Variants in PARP8 observed in about 807,000 individuals in gnomAD.
PARP8 encodes protein mono-ADP-ribosyltransferase PARP8.
PARP8 carries 51 observed loss-of-function variants against 124.1 expected under a neutral mutation model. The observed-to-expected ratio is 0.41, with a 90% CI of 0.33 to 0.52. The LOEUF (loss-of-function observed/expected upper bound fraction) is 0.52. PARP8 is among the 20% of genes least tolerant of loss of function. The probability of loss-of-function intolerance (pLI) is 0.21; values close to 1 mark genes in which losing one functional copy is unlikely to be tolerated. For missense variants in PARP8, 860 were observed against 1,018.9 expected (o/e 0.84, Z 2.12); for synonymous variants, 391 against 361.5 (o/e 1.08, Z -0.93).
chr5:50,832,611 A>C (rs1747105655), intron 22 of PARP8, among the ~76,000 whole-genome samples, 170 bp from the exon 23 acceptor site: 1 of 152,148 alleles, frequency 6.6e-6, no homozygotes, highest in African/African-American at 2.4e-5. Context: ...GACTTCCCAA[A>C]CCCACTGATC....
At chr5:50,702,960 C>T (rs1753747474) in intron 2 of PARP8, among the ~76,000 whole-genome samples, 1 of 152,040 alleles carries the variant, frequency 6.6e-6, no homozygotes, top group African/African-American at 2.4e-5. Context: ...TAAGTGAGAC[C>T]AGCAGACAGA....
intron 2 of PARP8, among the ~76,000 whole-genome samples, chr5:50,706,677 A>G (rs1308917573): frequency 6.6e-6 from 1 of 152,048 alleles, no homozygotes; most frequent in Non-Finnish European, 1.5e-5. Flanking sequence ...CCAGTTTCTG[A>G]ATAGGAATAA....
intron 2 of PARP8, among the ~76,000 whole-genome samples, chr5:50,725,081 A>G (rs993391821): frequency 5.3e-5 from 8 of 149,552 alleles, no homozygotes; most frequent in African/African-American, 1.7e-4. Flanking sequence ...GTATGTGTAT[A>G]TATATATATA....
chr5:50,815,654 T>A, intron 15 of PARP8, 130 bp downstream of exon 15: 8 of 548,330 alleles, frequency 1.5e-5, no homozygotes, highest in Non-Finnish European at 1.5e-5. Flanking sequence ...CAAATTGGCA[T>A]TTGATTTTTT....
chr5:50,815,813 G>A (rs528990753), intron 15 of PARP8, among the ~76,000 whole-genome samples: 13 of 152,100 alleles, frequency 8.5e-5, no homozygotes, highest in Admixed American at 4.6e-4. Flanking sequence ...TGAAACCCTC[G>A]TGCATGCTTT....
At chr5:50,727,101 T>G (rs562757643) in intron 2 of PARP8, among the ~76,000 whole-genome samples, 2 of 152,254 alleles carry the variant, frequency 1.3e-5, no homozygotes, top group African/African-American at 4.8e-5. Context: ...TATAGTAGTA[T>G]TTTGTGAGGG....
intron 2 of PARP8, among the ~76,000 whole-genome samples, chr5:50,708,228 C>T (rs1754364633): frequency 6.6e-6 from 1 of 151,998 alleles, no homozygotes. Flanking sequence ...TCTCCTCCAC[C>T]CTAGAGACCT....
intron 2 of PARP8, among the ~76,000 whole-genome samples, chr5:50,721,409 T>G (rs376416266): frequency 3.9e-5 from 6 of 152,238 alleles, no homozygotes; most frequent in African/African-American, 1.2e-4. Context: ...TTCAGAAGCA[T>G]TAAGTTATTG....
At chr5:50,673,429 A>G (rs777495556) in intron 2 of PARP8, among the ~76,000 whole-genome samples, 26 of 152,202 alleles carry the variant, frequency 1.7e-4, no homozygotes, top group Admixed American at 4.6e-4. Context: ...TTTATTAAGC[A>G]TCGTCTCTGC....
At chr5:50,779,920 A>G (rs1218496077) in intron 9 of PARP8, among the ~76,000 whole-genome samples, 1 of 151,284 alleles carries the variant, frequency 6.6e-6, no homozygotes, top group Non-Finnish European at 1.5e-5. Flanking sequence ...TTAATGCATA[A>G]TATAAATTAC....
At position 50,828,295 on chromosome 5, in the gene PARP8, T is replaced by C. The variant is rs368208815; in HGVS notation, c.2091-17T>C. 2 of 1,610,390 alleles carry C rather than the reference T, an allele frequency of 1.2e-6. No homozygotes were observed. The highest frequency in any genetic ancestry group is 1.1e-5 in the South Asian group (1 of 90,714). On this transcript the variant is annotated splice_polypyrimidine_tract_variant and intron_variant, in intron 20 of 25. Coordinates refer to ENST00000281631, the MANE Select transcript of PARP8 (RefSeq NM_024615.4). ...AATTTTCTGGTTTTGCTTTTTCCTTTCCGTCTGTTTTTTTAGTGGCTCACA... is the reference window on the plus strand; with the variant it reads ...AATTTTCTGGTTTTGCTTTTTCCTTCCCGTCTGTTTTTTTAGTGGCTCACA...
intron 14 of PARP8, among the ~76,000 whole-genome samples, chr5:50,798,244 T>G (rs1302924467): frequency 6.6e-6 from 1 of 152,164 alleles, no homozygotes. Flanking sequence ...TTAACTCTGT[T>G]TAACTTTTTG....
At chr5:50,754,152 C>CATAT (rs764110606) in intron 3 of PARP8, among the ~76,000 whole-genome samples, 3,634 of 42,838 alleles carry the variant, frequency 0.085, 179 homozygotes, top group East Asian at 0.1. Flanking sequence ...TATATATATA[C>CATAT]ACACACACAC....
chr5:50,837,312 G>A (rs1274106581), intron 25 of PARP8, among the ~76,000 whole-genome samples: 2 of 152,094 alleles, frequency 1.3e-5, no homozygotes, highest in African/African-American at 4.8e-5. Context: ...AAACACATCA[G>A]AAGGGGAATC....
At chr5:50,698,955 G>A (rs1274921878) in intron 2 of PARP8, among the ~76,000 whole-genome samples, 1 of 152,108 alleles carries the variant, frequency 6.6e-6, no homozygotes, top group Non-Finnish European at 1.5e-5. Context: ...TTACAAAAAA[G>A]AAAAGTTTAT....
chr5:50,758,855 T>A (rs1760240737), intron 3 of PARP8, among the ~76,000 whole-genome samples: 1 of 151,548 alleles, frequency 6.6e-6, no homozygotes, highest in Non-Finnish European at 1.5e-5. Flanking sequence ...ATGTTATTTT[T>A]TAAAGAGGAA....
At chr5:50,691,582 C>T (rs1050245115) in intron 2 of PARP8, among the ~76,000 whole-genome samples, 12 of 152,224 alleles carry the variant, frequency 7.9e-5, no homozygotes, top group Non-Finnish European at 1.2e-4. Flanking sequence ...TCCATACATC[C>T]GGAAATCTCC....
chr5:50,699,096 C>G (rs1191534477), intron 2 of PARP8, among the ~76,000 whole-genome samples: 1 of 152,186 alleles, frequency 6.6e-6, no homozygotes, highest in East Asian at 1.9e-4. Context: ...AAGGTTAAAA[C>G]CTGTCCTACA....
chr5:50,719,823 A>G (rs1755694522), intron 2 of PARP8, among the ~76,000 whole-genome samples: 1 of 152,090 alleles, frequency 6.6e-6, no homozygotes, highest in South Asian at 2.1e-4. Flanking sequence ...GCTTCTCCAG[A>G]GAAAGAATAC....
Sources: allele counts gnomAD v4.1 joint callset (sites outside exome capture counted in the v4.1 genomes callset), GRCh38; gene constraint gnomAD v4.1.1; transcripts MANE v1.5; gene names NCBI Gene and HGNC (gene_info 2026-07-23, HGNC 2026-07-21).